GARIN5A: variants seen among roughly 807,000 people sequenced by gnomAD.
GARIN5A encodes the protein golgi associated RAB2 interactor 5A, also known as Golgi-associated RAB2 interactor protein 5A.
At chr19:50,474,444 C>A in the GARIN5A span, among the ~76,000 whole-genome samples, 1 of 151,618 alleles carries the variant, frequency 6.6e-6, no homozygotes, top group Admixed American at 6.6e-5. Context: ...CTCCTGGGTT[C>A]ACGCCATTCT....
chr19:50,469,928 A>G, the GARIN5A span, among the ~76,000 whole-genome samples: 3 of 152,172 alleles, frequency 2.0e-5, no homozygotes, highest in African/African-American at 4.8e-5. Context: ...AACAGCTGAC[A>G]TTTGTGGAGC....
At chr19:50,475,736 C>G in the GARIN5A span, 1 of 894,408 alleles carries the variant, frequency 1.1e-6, no homozygotes, top group East Asian at 2.5e-5. Context: ...GGGAATCCCA[C>G]GAGATGGACG....
the GARIN5A span, among the ~76,000 whole-genome samples, chr19:50,468,972 C>T: frequency 0.012 from 1,790 of 152,308 alleles, 22 homozygotes; most frequent in Admixed American, 0.032. Context: ...GTCCAGCCAC[C>T]TGCCTCAGCC....
chr19:50,470,624 G>A, the GARIN5A span, among the ~76,000 whole-genome samples: 1 of 151,878 alleles, frequency 6.6e-6, no homozygotes, highest in Admixed American at 6.6e-5. Flanking sequence ...GGTGGGCGCA[G>A]GGAGAAGTGG....
the GARIN5A span, among the ~76,000 whole-genome samples, chr19:50,471,787 C>T: frequency 6.7e-6 from 1 of 150,184 alleles, no homozygotes; most frequent in Non-Finnish European, 1.5e-5. Flanking sequence ...TGTGTATACG[C>T]ATACATGCAT....
the GARIN5A span, chr19:50,476,334 A>C: frequency 6.3e-7 from 1 of 1,586,984 alleles, no homozygotes; most frequent in South Asian, 1.2e-5. Flanking sequence ...CTGATTTGTG[A>C]TGACGTCCCT....
chr19:50,471,737 T>C, the GARIN5A span, among the ~76,000 whole-genome samples: 6 of 148,310 alleles, frequency 4.0e-5, no homozygotes, highest in Non-Finnish European at 1.5e-5. Flanking sequence ...TGCACGTGTG[T>C]GTATACGCAT....
chr19:50,469,960 A>C, the GARIN5A span, among the ~76,000 whole-genome samples: 2 of 152,142 alleles, frequency 1.3e-5, no homozygotes, highest in Non-Finnish European at 2.9e-5. Context: ...GCCAGTTGCT[A>C]TTATATTTAC....
chr19:50,470,844 G>A, the GARIN5A span, among the ~76,000 whole-genome samples: 3 of 151,544 alleles, frequency 2.0e-5, no homozygotes, highest in African/African-American at 7.3e-5. Context: ...TTAGTAGAGA[G>A]GGGGTTTCAC....
At chr19:50,476,496 C>T in the GARIN5A span, 2 of 1,572,670 alleles carry the variant, frequency 1.3e-6, no homozygotes, top group Non-Finnish European at 8.6e-7. Context: ...CGGCGTGCTC[C>T]GCGGCTCTTG....
the GARIN5A span, among the ~76,000 whole-genome samples, chr19:50,467,328 G>T: frequency 6.6e-6 from 1 of 151,946 alleles, no homozygotes; most frequent in Non-Finnish European, 1.5e-5. Context: ...AGAGACTGCT[G>T]GCTTCTACCC....
the GARIN5A span, chr19:50,476,694 C>T: frequency 7.5e-7 from 1 of 1,325,112 alleles, no homozygotes; most frequent in Non-Finnish European, 1.0e-6. Context: ...CGGGCGCGGT[C>T]TACGGATGTC....
the GARIN5A span, among the ~76,000 whole-genome samples, chr19:50,471,847 TAC>T: frequency 6.6e-6 from 1 of 150,692 alleles, no homozygotes; most frequent in East Asian, 1.9e-4. Context: ...TCTGTGTGCA[TAC>T]GCATACATAC....
chr19:50,471,161 C>T, the GARIN5A span, among the ~76,000 whole-genome samples: 4 of 152,020 alleles, frequency 2.6e-5, no homozygotes, highest in Non-Finnish European at 4.4e-5. Flanking sequence ...GATGGGGTCT[C>T]ACTATGTTGC....
chr19:50,476,270 A>T, the GARIN5A span: 1 of 1,609,244 alleles, frequency 6.2e-7, no homozygotes, highest in Non-Finnish European at 8.5e-7. Flanking sequence ...GACTACGCGC[A>T]CTGTGACGTC....
At chr19:50,475,711 T>C in the GARIN5A span, 2 of 753,292 alleles carry the variant, frequency 2.7e-6, no homozygotes, top group South Asian at 1.6e-5. Flanking sequence ...AGAGATCACA[T>C]AGGAGTTGGG....
chr19:50,471,043 C>T, the GARIN5A span, among the ~76,000 whole-genome samples: 1 of 152,086 alleles, frequency 6.6e-6, no homozygotes, highest in Admixed American at 6.6e-5. Flanking sequence ...CAGCTCACTG[C>T]AGCCTGGACC....
the GARIN5A span, chr19:50,476,549 C>T: frequency 2.5e-6 from 4 of 1,571,950 alleles, no homozygotes; most frequent in Non-Finnish European, 3.4e-6. Flanking sequence ...GCCGAGATGG[C>T]GGCAGCCAGC....
chr19:50,474,940 C>A, the GARIN5A span, among the ~76,000 whole-genome samples: 1 of 152,126 alleles, frequency 6.6e-6, no homozygotes, highest in Non-Finnish European at 1.5e-5. Context: ...GGGCAACTGG[C>A]TCCCGGCTCT....
Sources: gnomAD v4.1 joint callset for allele counts (sites outside exome capture counted in the v4.1 genomes callset) on GRCh38, gnomAD v4.1.1 for gene constraint, MANE v1.5 for transcripts, NCBI Gene and HGNC (gene_info 2026-07-23, HGNC 2026-07-21) for gene names.